Variants in MAGI3 observed in about 807,000 individuals in gnomAD.
The protein encoded by MAGI3 is membrane associated guanylate kinase, WW and PDZ domain containing 3.
MAGI3 carries 43 observed loss-of-function variants against 121.8 expected under a neutral mutation model. The ratio of observed to expected loss-of-function variants is 0.35; its 90% confidence interval spans 0.28 to 0.46. MAGI3 has a LOEUF of 0.46. Ranked by LOEUF, MAGI3 falls within the 20% of genes least tolerant of loss-of-function variation. MAGI3 has a pLI of 1.00. For synonymous variants in MAGI3, 553 were observed against 639.3 expected (o/e 0.86, Z 2.04); for missense variants, 1,547 against 1,797.3 (o/e 0.86, Z 2.52).
intron 1 of MAGI3, among the ~76,000 whole-genome samples, chr1:113,482,808 C>T (rs965937742): frequency 6.6e-6 from 1 of 151,386 alleles, no homozygotes; most frequent in African/African-American, 2.4e-5. Context: ...TATCTAAGAT[C>T]CCCCTTTTTT....
Position 113,676,951 on chromosome 1 carries a change from T to C in MAGI3, c.3189+3486T>C, listed in dbSNP as rs934717049. 4.6e-5 allele frequency among the ~76,000 whole-genome samples: 7 copies of C among 152,206 alleles called. 1 individual carries two copies. Among genetic ancestry groups the C allele is most frequent in the Admixed American group, 2.6e-4 (4 of 15,282 alleles). ...TACTGAGAGAATTATTGTGTGTGTG[T>C]GTTTTTATTTTTAAGATCAGTTCCC... On this transcript the variant is annotated intron_variant, in intron 19 of 20. Coordinates refer to ENST00000307546, the MANE Select transcript of MAGI3 (RefSeq NM_001142782.2).
intron 1 of MAGI3, among the ~76,000 whole-genome samples, chr1:113,526,417 G>A (rs547497588): frequency 6.6e-6 from 1 of 152,308 alleles, no homozygotes; most frequent in Non-Finnish European, 1.5e-5. Flanking sequence ...AAGGGGTTAG[G>A]GGAAGAGTGT....
chr1:113,678,783 G>A (rs1274547766), intron 19 of MAGI3, among the ~76,000 whole-genome samples: 2 of 152,176 alleles, frequency 1.3e-5, no homozygotes, highest in Non-Finnish European at 2.9e-5. Context: ...ACTAGAAAGA[G>A]GTGGAGCACA....
At chr1:113,616,747 AT>A (rs1451973537) in intron 7 of MAGI3, among the ~76,000 whole-genome samples, 1 of 152,168 alleles carries the variant, frequency 6.6e-6, no homozygotes, top group Non-Finnish European at 1.5e-5. Context: ...TTAACATATA[AT>A]TATACACATT....
chr1:113,436,048 G>A (rs1653550223), intron 1 of MAGI3, among the ~76,000 whole-genome samples: 1 of 151,768 alleles, frequency 6.6e-6, no homozygotes, highest in South Asian at 2.1e-4. Flanking sequence ...ACAAACATGT[G>A]CATCTTAGGA....
At chr1:113,451,900 A>T (rs966674805) in intron 1 of MAGI3, among the ~76,000 whole-genome samples, 3 of 152,178 alleles carry the variant, frequency 2.0e-5, no homozygotes, top group Non-Finnish European at 4.4e-5. Context: ...TTCCATTGGC[A>T]ATCACCCAAC....
intron 2 of MAGI3, among the ~76,000 whole-genome samples, chr1:113,561,498 G>C (rs1203215608): frequency 6.6e-6 from 1 of 152,080 alleles, no homozygotes; most frequent in African/African-American, 2.4e-5. Context: ...CACATAAATA[G>C]AACTAAAGAC....
chr1:113,633,237 CATTTTTTTTTTTTTTTTTTTTTTTTT>C (rs1557863362), intron 9 of MAGI3, among the ~76,000 whole-genome samples: 1 of 91,960 alleles, frequency 1.1e-5, no homozygotes, highest in African/African-American at 4.1e-5. Flanking sequence ...ATGAACTCAT[CATTTTTTTTTTTTTTTTTTTTTTTTT>C]TTTTTTTTTT....
At chr1:113,416,296 A>AATTAATTACACAT (rs1557744504) in intron 1 of MAGI3, among the ~76,000 whole-genome samples, 4 of 82,178 alleles carry the variant, frequency 4.9e-5, no homozygotes, top group Admixed American at 1.5e-4. Flanking sequence ...TTAATTATGT[A>AATTAATTACACAT]ATTAATTATG....
At chr1:113,478,697 A>T (rs905791110) in intron 1 of MAGI3, among the ~76,000 whole-genome samples, 1 of 152,226 alleles carries the variant, frequency 6.6e-6, no homozygotes, top group Non-Finnish European at 1.5e-5. Context: ...TAGGCTACGC[A>T]GGGATCAGGG....
Position 113,461,787 on chromosome 1 carries a change from A to G in MAGI3, c.316+70438A>G, listed in dbSNP as rs906823414. Among the ~76,000 whole-genome samples the G allele has an allele frequency of 5.9e-5, 9 of 152,350 alleles. No individual in the cohort carries two copies. The East Asian group carries it at 9.6e-4, about 16-fold the overall frequency. The stretch of plus-strand genomic sequence containing the variant: ...AAACTATCAACAGAATAAACAGCCA[A>G]TCTACAGAATGGGAGAAAATATTTA... On this transcript the variant is annotated intron_variant, in intron 1 of 20. Coordinates refer to ENST00000307546, the MANE Select transcript of MAGI3 (RefSeq NM_001142782.2).
intron 5 of MAGI3, among the ~76,000 whole-genome samples, chr1:113,591,425 C>A (rs926866830): frequency 6.6e-6 from 1 of 152,062 alleles, no homozygotes; most frequent in Non-Finnish European, 1.5e-5. Context: ...ATATTTGGAT[C>A]TAGGCACTAC....
rs181672740 is a variant in MAGI3, at chr1:113,433,800, T to G, written c.316+42451T>G. Among the ~76,000 whole-genome samples, 54 of 152,282 alleles carry G rather than the reference T, an allele frequency of 3.5e-4. No homozygotes were observed. The East Asian group carries it at 7.7e-3, about 22-fold the overall frequency. On this transcript the variant is annotated intron_variant, in intron 1 of 20. Transcript: ENST00000307546. ...ACGTAGTTGAGAATAACAGCCCCAT[T>G]TTAAAAGAGGAGCTTTAAATTCTTA...
chr1:113,657,555 G>A (rs1434777877), intron 15 of MAGI3, among the ~76,000 whole-genome samples: 1 of 152,164 alleles, frequency 6.6e-6, no homozygotes. Context: ...GTGAGCCAAG[G>A]AACTGAATGA....
At chr1:113,445,164 G>A (rs1358327799) in intron 1 of MAGI3, among the ~76,000 whole-genome samples, 1 of 152,064 alleles carries the variant, frequency 6.6e-6, no homozygotes, top group African/African-American at 2.4e-5. Flanking sequence ...AGGAGAAGAG[G>A]GAGAGAAAGG....
intron 1 of MAGI3, among the ~76,000 whole-genome samples, chr1:113,520,069 T>A (rs1394791138): frequency 2.0e-5 from 3 of 152,216 alleles, no homozygotes; most frequent in Non-Finnish European, 4.4e-5. Flanking sequence ...TGGTCATACA[T>A]CCATGCCTGT....
chr1:113,432,724 A>G (rs1653368830), intron 1 of MAGI3, among the ~76,000 whole-genome samples: 1 of 152,102 alleles, frequency 6.6e-6, no homozygotes, highest in Admixed American at 6.6e-5. Context: ...ATCAGGAGAC[A>G]CTATTAAAAA....
intron 1 of MAGI3, among the ~76,000 whole-genome samples, chr1:113,432,057 A>T (rs1653327720): frequency 6.6e-6 from 1 of 152,206 alleles, no homozygotes; most frequent in Admixed American, 6.5e-5. Context: ...ATGGAAACTT[A>T]ATGTATGTCA....
intron 1 of MAGI3, among the ~76,000 whole-genome samples, chr1:113,530,278 C>T (rs1658642143): frequency 6.8e-6 from 1 of 147,826 alleles, no homozygotes; most frequent in Non-Finnish European, 1.5e-5. Context: ...TGTCTGCAAA[C>T]ATTTTTGTGT....
Sources: allele counts gnomAD v4.1 joint callset (sites outside exome capture counted in the v4.1 genomes callset), GRCh38; gene constraint gnomAD v4.1.1; transcripts MANE v1.5; gene names NCBI Gene and HGNC (gene_info 2026-07-23, HGNC 2026-07-21).